SYNGR1: variants seen among roughly 807,000 people sequenced by gnomAD.
SYNGR1 encodes the protein synaptogyrin 1, also known as synaptogyrin-1.
SYNGR1 carries 14 observed loss-of-function variants against 26.1 expected under a neutral mutation model. That is an observed-to-expected ratio of 0.54 (90% CI 0.35 to 0.84). SYNGR1 has a LOEUF of 0.84. Among genes scored for constraint, SYNGR1 ranks in the 40% least tolerant of loss-of-function variants. The pLI is 0.01. For missense variants in SYNGR1, 319 were observed against 332.9 expected, an observed-to-expected ratio of 0.96 and a Z score of 0.33; for synonymous variants, 141 against 150.1, an observed-to-expected ratio of 0.94 and a Z score of 0.44.
Position 39,350,007 on chromosome 22 carries a change from C to T in SYNGR1, c.-4C>T. The T allele has an allele frequency of 7.8e-7, 1 of 1,278,726 alleles. No individual in the cohort carries two copies. Among genetic ancestry groups the T allele is most frequent in the South Asian group, 1.8e-5 (1 of 54,172 alleles). The allele number at this position is 1,278,726 out of a possible 1,614,324, so 79.2% of individuals were successfully genotyped here. On this transcript the variant is annotated 5_prime_UTR_variant, in exon 1 of 4. Coordinates refer to ENST00000328933, the MANE Select transcript of SYNGR1 (RefSeq NM_004711.5). The surrounding 1 kb of genome is among the most constrained non-coding windows in gnomAD (Gnocchi z 4.3). Reference sequence around the variant, plus strand: ...GCGGGGGGCACCGCGCGGGTGCAGCCACGATGGAAGGGGGTGCGTACGGAG... The same window carrying T: ...GCGGGGGGCACCGCGCGGGTGCAGCTACGATGGAAGGGGGTGCGTACGGAG...
intron 3 of SYNGR1, among the ~76,000 whole-genome samples, chr22:39,381,127 T>C (rs867475756): frequency 6.6e-6 from 1 of 152,186 alleles, no homozygotes; most frequent in Admixed American, 6.5e-5. Context: ...CAGGCATCTT[T>C]CATTCCTACA....
chr22:39,359,804 C>T (rs1020498583), intron 1 of SYNGR1, among the ~76,000 whole-genome samples: 2 of 152,112 alleles, frequency 1.3e-5, no homozygotes, highest in African/African-American at 4.8e-5. Context: ...CCAACTGTCA[C>T]CAGCTGGACC....
intron 1 of SYNGR1, among the ~76,000 whole-genome samples, chr22:39,364,899 A>G (rs1924661547): frequency 6.6e-6 from 1 of 152,182 alleles, no homozygotes; most frequent in Non-Finnish European, 1.5e-5. Flanking sequence ...ATAGATCTCC[A>G]CCAAGCGCCA....
At chr22:39,360,262 T>C (rs1924407777) in intron 1 of SYNGR1, among the ~76,000 whole-genome samples, 1 of 152,192 alleles carries the variant, frequency 6.6e-6, no homozygotes, top group African/African-American at 2.4e-5. Context: ...TTTCGCCCTC[T>C]CTACTCTTGG....
At chr22:39,369,043 A>G (rs1924900216) in intron 1 of SYNGR1, among the ~76,000 whole-genome samples, 3 of 152,242 alleles carry the variant, frequency 2.0e-5, no homozygotes, top group South Asian at 2.1e-4. Context: ...GCTACCCAGC[A>G]TAAGCAGCAG....
intron 3 of SYNGR1, among the ~76,000 whole-genome samples, chr22:39,379,408 C>T (rs1030608774): frequency 1.3e-5 from 2 of 152,142 alleles, no homozygotes; most frequent in Admixed American, 6.5e-5. Context: ...CCAAGGCAGG[C>T]GGATCACCTG....
chr22:39,361,380 A>T (rs1317418902), intron 1 of SYNGR1, among the ~76,000 whole-genome samples: 13 of 129,836 alleles, frequency 1.0e-4, no homozygotes, highest in African/African-American at 4.1e-4. Flanking sequence ...TTTTTTTGAG[A>T]CAAAGTCTTA....
intron 1 of SYNGR1, among the ~76,000 whole-genome samples, chr22:39,359,022 G>T (rs552339984): frequency 6.6e-6 from 1 of 152,234 alleles, no homozygotes; most frequent in Admixed American, 6.5e-5. Context: ...GGCTCCTCCA[G>T]TACCTCACAG....
chr22:39,379,958 G>A (rs1415591812), intron 3 of SYNGR1: 1 of 152,224 alleles, frequency 6.6e-6, no homozygotes, highest in African/African-American at 2.4e-5. Flanking sequence ...CAGATTCCCC[G>A]GGCCGGGAAA....
chr22:39,364,640 G>A (rs1266055291), intron 1 of SYNGR1, among the ~76,000 whole-genome samples: 1 of 152,206 alleles, frequency 6.6e-6, no homozygotes, highest in East Asian at 1.9e-4. Flanking sequence ...AGAGGAGTTC[G>A]CTCCCATTGA....
In SYNGR1 at chr22:39,385,386, C is replaced by T. The variant is rs113085293; in HGVS notation, c.*3472C>T. The T allele has an allele frequency of 3.9e-5, 6 of 152,440 alleles. No individual in the cohort carries two copies. Among genetic ancestry groups the T allele is most frequent in the Admixed American group, 2.0e-4 (3 of 15,216 alleles). The allele number at this position is 152,440 out of a possible 1,614,324, so 9.4% of individuals were successfully genotyped here. A position where few individuals can be genotyped will look rare whatever the true frequency, so the allele number is the denominator to read the frequency against. On this transcript the variant is annotated 3_prime_UTR_variant, in exon 4 of 4. Coordinates refer to ENST00000328933, the MANE Select transcript of SYNGR1 (RefSeq NM_004711.5). ...ACAAATATATCTGTGTGTGTGTGTGCGTGTGTGTGCGGTGAAGGGCGGTCC... is the reference window on the plus strand; with the variant it reads ...ACAAATATATCTGTGTGTGTGTGTGTGTGTGTGTGCGGTGAAGGGCGGTCC...
intron 1 of SYNGR1, among the ~76,000 whole-genome samples, chr22:39,354,231 G>C (rs1400247040): frequency 6.6e-6 from 1 of 152,216 alleles, no homozygotes; most frequent in Non-Finnish European, 1.5e-5. Flanking sequence ...CCATTTTCAG[G>C]GTTCATTTTT....
At chr22:39,377,704 G>A in intron 3 of SYNGR1, 1 of 1,611,762 alleles carries the variant, frequency 6.2e-7, no homozygotes, top group Non-Finnish European at 8.5e-7. Flanking sequence ...TCCCCGGCTT[G>A]CAGAGGCCGG....
intron 1 of SYNGR1, among the ~76,000 whole-genome samples, chr22:39,373,774 C>A (rs1178393735): frequency 6.6e-6 from 1 of 152,204 alleles, no homozygotes; most frequent in Non-Finnish European, 1.5e-5. Flanking sequence ...TGAGCCACCA[C>A]CCCCAGCCCA....
At position 39,374,421 on chromosome 22, in the gene SYNGR1, A is replaced by G; in HGVS notation, c.205A>G (p.Ser69Gly). The G allele has an allele frequency of 2.5e-6, 4 of 1,614,024 alleles. No homozygotes were observed. The highest frequency in any genetic ancestry group is 3.4e-6 in the Non-Finnish European group (4 of 1,180,018). Residue 69 changes from serine to glycine, a missense_variant, in exon 2 of 4, where the codon AGC (serine) becomes GGC (glycine). Coordinates refer to ENST00000328933, the MANE Select transcript of SYNGR1 (RefSeq NM_004711.5). ...CTACAACCGCAACCCCAACGCCTGC[A>G]GCTATGGCGTGGCCGTGGGCGTGCT... is the stretch of plus-strand genomic sequence containing the variant. ...CIYNRNPNAC[S>G]YGVAVGVLAF...
At chr22:39,374,985 C>T (rs1302095432) in intron 2 of SYNGR1, 7 of 271,010 alleles carry the variant, frequency 2.6e-5, no homozygotes, top group East Asian at 2.0e-4. Context: ...CCAGCCAGAC[C>T]TTGGCAGGAC....
chr22:39,358,058 G>T (rs544758618), intron 1 of SYNGR1, among the ~76,000 whole-genome samples: 48 of 152,384 alleles, frequency 3.1e-4, no homozygotes, highest in Admixed American at 6.5e-4. Context: ...AGCCAGCTGG[G>T]CTCCTGAGTC....
rs374191695 is a variant in SYNGR1, at chr22:39,376,145, C to T, written c.431C>T (p.Thr144Met). The T allele has an allele frequency of 3.3e-5, 54 of 1,614,182 alleles. 1 individual carries two copies. The highest frequency in any genetic ancestry group is 2.0e-4 in the South Asian group (18 of 91,082). The change falls in exon 3 of 4, where the codon ACG becomes ATG. Residue 144 changes from threonine to methionine, a missense_variant. By Grantham distance (81) the Thr-to-Met change is moderately conservative. Coordinates refer to ENST00000328933, the MANE Select transcript of SYNGR1 (RefSeq NM_004711.5). ...AAGGACAACCCACTGAACGAAGGGA[C>T]GGACGCAGCCCGGGCCGCCATCGCC... The part of the protein sequence containing the change: ...KPKDNPLNEG[T>M]DAARAAIAFS...
chr22:39,382,144 C>T lies in SYNGR1; in HGVS notation c.*230C>T. ...CCCGCAGGGGCCTAGAGGGTGGGGG[C>T]CAGGGGTATTTGCATTCATACATTG... On this transcript the variant is annotated 3_prime_UTR_variant, in exon 4 of 4. Transcript: ENST00000328933. The T allele has an allele frequency of 3.3e-6, 2 of 602,222 alleles. No homozygotes were observed. Among genetic ancestry groups the T allele is most frequent in the Admixed American group, 5.9e-5 (2 of 34,088 alleles). 37.3% of individuals were successfully genotyped at this position (602,222 alleles called of 1,614,324 possible).
Sources: gnomAD v4.1 joint callset for allele counts (sites outside exome capture counted in the v4.1 genomes callset) on GRCh38, gnomAD v4.1.1 for gene constraint, Gnocchi (gnomAD v3.1) non-coding constraint, MANE v1.5 for transcripts, NCBI Gene and HGNC (gene_info 2026-07-23, HGNC 2026-07-21) for gene names.